Variants in HSPA12A observed in about 807,000 individuals in gnomAD.
The protein encoded by HSPA12A is heat shock protein family A (Hsp70) member 12A.
Under a neutral mutation model 69.2 loss-of-function variants are expected in HSPA12A, and 28 were observed. The ratio of observed to expected loss-of-function variants is 0.40; its 90% CI spans 0.30 to 0.55. The LOEUF (loss-of-function observed/expected upper bound fraction) is 0.55, where lower values mean the gene tolerates loss of function less well. HSPA12A is among the 20% of genes least tolerant of loss of function. HSPA12A has a pLI of 0.38. For missense variants in HSPA12A, 686 were observed against 900.7 expected, an observed-to-expected ratio of 0.76 and a Z score of 3.05; for synonymous variants, 345 against 370.5, an observed-to-expected ratio of 0.93 and a Z score of 0.79.
intron 2 of HSPA12A, among the ~76,000 whole-genome samples, chr10:116,828,106 A>G (rs956969867): frequency 3.3e-5 from 5 of 152,212 alleles, no homozygotes; most frequent in African/African-American, 1.2e-4. Context: ...CCTCTGCCTG[A>G]AAGTCCCTTT....
In HSPA12A at chr10:116,839,604, TAA is replaced by T. The variant is rs59427633; in HGVS notation, c.4-4584_4-4583del. On this transcript the variant is annotated intron_variant, in intron 1 of 12. Transcript: ENST00000635765. ...CAAAGGACTTCGTAGATGCCTACCG[TAA>T]AAAAAAAAAAAAAAAAAAAAAAAAC... 3.6e-3 allele frequency among the ~76,000 whole-genome samples: 213 copies of T among 59,098 alleles called. 2 individuals carry two copies. The highest frequency in any genetic ancestry group is 0.011 in the African/African-American group (178 of 16,486). 38.8% of individuals were successfully genotyped at this position (59,098 alleles called of 152,430 possible).
chr10:116,808,115 G>T (rs1845103064), intron 2 of HSPA12A, among the ~76,000 whole-genome samples: 1 of 152,144 alleles, frequency 6.6e-6, no homozygotes, highest in Admixed American at 6.5e-5. Flanking sequence ...AAAGACTGAA[G>T]GTTTCAGGGT....
At chr10:116,736,215 C>T (rs1308108570) in intron 1 of HSPA12A, among the ~76,000 whole-genome samples, 1 of 152,142 alleles carries the variant, frequency 6.6e-6, no homozygotes, top group East Asian at 1.9e-4. Context: ...CTAAAAGTAA[C>T]AATGTCTCTA....
intron 2 of HSPA12A, among the ~76,000 whole-genome samples, chr10:116,770,042 G>C (rs887078190): frequency 6.6e-6 from 1 of 152,210 alleles, no homozygotes; most frequent in Admixed American, 6.5e-5. Context: ...AGCAGAATGA[G>C]GCAAGTAAGG....
chr10:116,819,747 T>C (rs544496220), intron 2 of HSPA12A, among the ~76,000 whole-genome samples: 2 of 152,330 alleles, frequency 1.3e-5, no homozygotes, highest in South Asian at 2.1e-4. Context: ...AAAATCGTTA[T>C]TACTGTAGGA....
intron 6 of HSPA12A, 94 bp from the exon 7 acceptor site, chr10:116,684,056 G>A (rs928552083): frequency 2.6e-5 from 28 of 1,060,440 alleles, no homozygotes; most frequent in East Asian, 1.1e-4. Flanking sequence ...TAAGGAGGGC[G>A]CACTCGTGCT....
chr10:116,760,104 C>T (rs770824763), intron 2 of HSPA12A, among the ~76,000 whole-genome samples: 15 of 152,174 alleles, frequency 9.9e-5, no homozygotes, highest in Non-Finnish European at 1.8e-4. Flanking sequence ...TCTCATTCTG[C>T]CAGAGCAGCA....
intron 2 of HSPA12A, among the ~76,000 whole-genome samples, chr10:116,799,604 C>T (rs769331548): frequency 2.0e-5 from 3 of 152,320 alleles, no homozygotes; most frequent in Non-Finnish European, 2.9e-5. Flanking sequence ...TAATAGAGAA[C>T]GTTATTAAAC....
chr10:116,732,647 G>A (rs115407946), intron 1 of HSPA12A, among the ~76,000 whole-genome samples: 1,575 of 152,366 alleles, frequency 0.01, 30 homozygotes, highest in African/African-American at 0.034. Context: ...CCATTGCAGA[G>A]TGTTTTATTC....
chr10:116,828,356 T>C (rs532013553), intron 2 of HSPA12A, among the ~76,000 whole-genome samples: 1 of 152,144 alleles, frequency 6.6e-6, no homozygotes, highest in Admixed American at 6.5e-5. Flanking sequence ...TGGCCTGTGG[T>C]AGACAGGCAG....
chr10:116,701,815 T>A (rs561230571), intron 3 of HSPA12A, among the ~76,000 whole-genome samples: 1 of 152,258 alleles, frequency 6.6e-6, no homozygotes, highest in East Asian at 1.9e-4. Flanking sequence ...GGAAAGCAGC[T>A]GGAATCAGGC....
At position 116,810,483 on chromosome 10, in the gene HSPA12A, C is replaced by T. The variant is rs74161326; in HGVS notation, c.91+24452G>A. Among the ~76,000 whole-genome samples, 1,222 of 152,304 alleles carry T rather than the reference C, an allele frequency of 8.0e-3. 19 individuals are homozygous for T. Among genetic ancestry groups the T allele is most frequent in the African/African-American group, 0.028 (1,170 of 41,566 alleles). On this transcript the variant is annotated intron_variant, in intron 2 of 12. Coordinates refer to the HSPA12A transcript ENST00000635765. ...TTGAAGGTAAAGTTATGTTTCAAAA[C>T]ATCTCTTGCACTTATATATACAGTT...
chr10:116,719,155 C>G (rs529193833), intron 1 of HSPA12A, among the ~76,000 whole-genome samples: 126 of 152,320 alleles, frequency 8.3e-4, no homozygotes, highest in Non-Finnish European at 1.6e-3. Context: ...GGTGTGATCC[C>G]TCCTGATAAC....
intron 2 of HSPA12A, among the ~76,000 whole-genome samples, chr10:116,816,662 C>T (rs1233435318): frequency 5.3e-5 from 8 of 152,178 alleles, no homozygotes; most frequent in Non-Finnish European, 1.0e-4. Flanking sequence ...GTTGCAGCTG[C>T]GTGGTCTCCC....
At chr10:116,740,654 GTGTGTGTGTGTGTGTGTGTGTC>G (rs536303564) in intron 1 of HSPA12A, among the ~76,000 whole-genome samples, 19,091 of 60,302 alleles carry the variant, frequency 0.32, 1,573 homozygotes, top group South Asian at 0.48. Context: ...GTGTGTGTGT[GTGTGTGTGTGTGTGTGTGTGTC>G]TGTGTGTGTG....
chr10:116,705,322 C>T, intron 2 of HSPA12A, 44 bp from the exon 3 acceptor site: 2 of 1,611,946 alleles, frequency 1.2e-6, no homozygotes, highest in South Asian at 1.1e-5. Context: ...AGGGGTGGGC[C>T]TGGCTTTCAG....
intron 1 of HSPA12A, among the ~76,000 whole-genome samples, chr10:116,740,775 G>A (rs1554887006): frequency 2.0e-5 from 3 of 150,544 alleles, no homozygotes; most frequent in Admixed American, 6.6e-5. Context: ...GTGGGGAGTG[G>A]GTACACATTC....
intron 7 of HSPA12A, chr10:116,683,336 G>C (rs1849474955): frequency 6.6e-6 from 1 of 152,650 alleles, no homozygotes; most frequent in South Asian, 2.1e-4. Flanking sequence ...CCTAGGTCAG[G>C]AAAAGTCAGC....
At position 116,675,287 on chromosome 10, in the gene HSPA12A, G is replaced by C; in HGVS notation, c.1522C>G (p.Gln508Glu). Reference sequence around the variant, plus strand: ...TTGAGGATGGTGAGGCCCACGTCCTGGGGGATGATGATCCGGCACTGGTCC... The same window carrying C: ...TTGAGGATGGTGAGGCCCACGTCCTCGGGGATGATGATCCGGCACTGGTCC... ...FGDQCRIIIPQDVGLTILKGA... is the reference protein window; with the variant it reads ...FGDQCRIIIPEDVGLTILKGA... Residue 508 changes from glutamine (Q) to glutamate (E), a missense_variant, in exon 12 of 12, where the codon CAG becomes GAG. Coordinates refer to ENST00000369209, the MANE Select transcript of HSPA12A (RefSeq NM_025015.3). This position sits in a 1 kb window ranked among gnomAD's most constrained non-coding sequence, Gnocchi z 5.2. 1 of 1,613,566 alleles carries C rather than the reference G, an allele frequency of 6.2e-7. No homozygotes were observed. The highest frequency in any genetic ancestry group is 8.5e-7 in the Non-Finnish European group (1 of 1,180,040).
Sources: allele counts gnomAD v4.1 joint callset (sites outside exome capture counted in the v4.1 genomes callset), GRCh38; gene constraint gnomAD v4.1.1; non-coding constraint Gnocchi (gnomAD v3.1); transcripts MANE v1.5; gene names NCBI Gene and HGNC (gene_info 2026-07-23, HGNC 2026-07-21).